Variants in ULK4 observed in about 807,000 individuals in gnomAD.
ULK4 encodes unc-51 like kinase 4.
In ULK4, 133 loss-of-function variants were observed where a neutral mutation model predicts 160.6. That is an observed-to-expected ratio of 0.83 (90% CI 0.72 to 0.96). ULK4 has a LOEUF of 0.96. ULK4 is among the 40% of genes least tolerant of loss of function. The pLI, the probability that ULK4 is intolerant of heterozygous loss-of-function variation, is 0.00. For missense variants in ULK4, 1,580 were observed against 1,499.5 expected (o/e 1.05, Z -0.89); for synonymous variants, 534 against 539.8 (o/e 0.99, Z 0.15).
intron 16 of ULK4, among the ~76,000 whole-genome samples, chr3:41,888,917 C>A (rs1379437032): frequency 1.3e-4 from 20 of 152,210 alleles, no homozygotes; most frequent in Admixed American, 1.3e-3. Context: ...TACCCACATA[C>A]CAACCCTTTA....
In ULK4 at chr3:41,600,321, T is replaced by C. The variant is rs929404971; in HGVS notation, c.3120+15348A>G. Among the ~76,000 whole-genome samples, 3 of 152,186 alleles carry C rather than the reference T, an allele frequency of 2.0e-5. No individual in the cohort carries two copies. In the South Asian group the frequency reaches 6.2e-4, roughly 31 times the overall value. ...CTGCTGTATGAAGTCAGTAATCTAC[T>C]GGTGGGCTTTAATCAACTAATGACA... On this transcript the variant is annotated intron_variant, in intron 31 of 36. Transcript: ENST00000301831.
intron 22 of ULK4, among the ~76,000 whole-genome samples, chr3:41,753,376 G>T (rs1263313782): frequency 2.0e-5 from 3 of 152,102 alleles, no homozygotes; most frequent in Non-Finnish European, 2.9e-5. Context: ...GCAATACCAG[G>T]CTCTGCTCAG....
chr3:41,620,613 T>C (rs1348765252), intron 30 of ULK4, among the ~76,000 whole-genome samples: 1 of 152,176 alleles, frequency 6.6e-6, no homozygotes, highest in Non-Finnish European at 1.5e-5. Context: ...ATGGAACATA[T>C]GTCAAAATAA....
intron 32 of ULK4, among the ~76,000 whole-genome samples, chr3:41,559,730 T>C (rs2087487969): frequency 6.6e-6 from 1 of 152,202 alleles, no homozygotes; most frequent in South Asian, 2.1e-4. Flanking sequence ...GTTGTTTATT[T>C]TCTTGTAAAT....
chr3:41,394,475 T>A (rs2082015737), intron 35 of ULK4, among the ~76,000 whole-genome samples: 1 of 152,152 alleles, frequency 6.6e-6, no homozygotes, highest in South Asian at 2.1e-4. Flanking sequence ...ATACCTTAAA[T>A]GTGCTCAGAA....
intron 27 of ULK4, among the ~76,000 whole-genome samples, chr3:41,696,361 C>T (rs1215156914): frequency 1.3e-5 from 2 of 152,032 alleles, no homozygotes; most frequent in Non-Finnish European, 2.9e-5. Flanking sequence ...TGTAAGCTGT[C>T]TCTCTCTCTC....
At chr3:41,403,729 T>C (rs1349930332) in intron 34 of ULK4, among the ~76,000 whole-genome samples, 5 of 152,198 alleles carry the variant, frequency 3.3e-5, no homozygotes, top group African/African-American at 1.2e-4. Context: ...TATAAGCTTT[T>C]GGTGTTGCAA....
At chr3:41,721,279 TTTTTTG>T (rs2037448557) in intron 22 of ULK4, among the ~76,000 whole-genome samples, 1 of 98,920 alleles carries the variant, frequency 1.0e-5, no homozygotes, top group African/African-American at 4.4e-5. Flanking sequence ...TTTTTTTTTT[TTTTTTG>T]GGTTTTGAAC....
At chr3:41,498,475 A>G (rs779799994) in intron 32 of ULK4, among the ~76,000 whole-genome samples, 64 of 152,238 alleles carry the variant, frequency 4.2e-4, no homozygotes, top group Non-Finnish European at 7.3e-4. Flanking sequence ...AAAAGAACCA[A>G]TTAAACCCAA....
intron 29 of ULK4, among the ~76,000 whole-genome samples, chr3:41,669,303 T>C: frequency 6.6e-6 from 1 of 152,090 alleles, no homozygotes; most frequent in East Asian, 1.9e-4. Flanking sequence ...TGGAGTGCAG[T>C]GGCAAGATCG....
At chr3:41,510,733 A>T (rs986384800) in intron 32 of ULK4, among the ~76,000 whole-genome samples, 3 of 152,232 alleles carry the variant, frequency 2.0e-5, no homozygotes, top group Non-Finnish European at 4.4e-5. Context: ...CTGAATGATC[A>T]TTGGGCTAAC....
chr3:41,944,101 G>A (rs1700042095), intron 2 of ULK4, among the ~76,000 whole-genome samples: 1 of 152,128 alleles, frequency 6.6e-6, no homozygotes, highest in Non-Finnish European at 1.5e-5. Context: ...TTTATTCAAC[G>A]TAACCCCGTG....
chr3:41,249,432 G>A, intron 36 of ULK4, 57 bp downstream of exon 36: 1 of 1,509,906 alleles, frequency 6.6e-7, no homozygotes, highest in Non-Finnish European at 9.1e-7. Context: ...AGAAAGGAAT[G>A]GCTGAGAGTG....
intron 30 of ULK4, among the ~76,000 whole-genome samples, chr3:41,644,440 A>G (rs1193773318): frequency 3.3e-5 from 5 of 152,176 alleles, no homozygotes; most frequent in African/African-American, 9.7e-5. Context: ...TTCTGCATCT[A>G]TTGAGATAAT....
chr3:41,806,448 T>C (rs913399676), intron 19 of ULK4, among the ~76,000 whole-genome samples: 6 of 152,230 alleles, frequency 3.9e-5, no homozygotes, highest in Admixed American at 1.3e-4. Flanking sequence ...CCTGGATTCA[T>C]TAATTTTTTC....
intron 25 of ULK4, among the ~76,000 whole-genome samples, chr3:41,708,376 C>T (rs1185435837): frequency 6.6e-6 from 1 of 152,054 alleles, no homozygotes; most frequent in Non-Finnish European, 1.5e-5. Flanking sequence ...TCATTTGTGG[C>T]AACATGGATA....
intron 36 of ULK4, 79 bp downstream of exon 36, chr3:41,249,410 T>G: frequency 7.7e-7 from 1 of 1,304,456 alleles, no homozygotes. Flanking sequence ...GGGAGATGAG[T>G]GGGAGGAGTG....
At chr3:41,252,431 A>C (rs1292270305) in intron 35 of ULK4, among the ~76,000 whole-genome samples, 9 of 152,196 alleles carry the variant, frequency 5.9e-5, no homozygotes. Flanking sequence ...AAAAAGGAGA[A>C]TATAGCAAAG....
Position 41,916,056 on chromosome 3 carries a change from T to C in ULK4, c.728-4A>G, listed in dbSNP as rs568145871. 512 of 1,553,644 alleles carry C rather than the reference T, an allele frequency of 3.3e-4. 6 individuals are homozygous for C. The South Asian group carries it at 5.5e-3, about 17-fold the overall frequency. ...GAAGCTTTAGGACGAGAAGAATCTA[T>C]AAATGAATTAATTTCCAAGAAAAAA... On this transcript the variant is annotated splice_region_variant and splice_polypyrimidine_tract_variant and intron_variant, in intron 7 of 36. Coordinates refer to ENST00000301831, the MANE Select transcript of ULK4 (RefSeq NM_017886.4).
Sources: gnomAD v4.1 joint callset for allele counts (sites outside exome capture counted in the v4.1 genomes callset) on GRCh38, gnomAD v4.1.1 for gene constraint, MANE v1.5 for transcripts, NCBI Gene and HGNC (gene_info 2026-07-23, HGNC 2026-07-21) for gene names.